Variants in TGDS observed in about 807,000 individuals in gnomAD.
The protein encoded by TGDS is TDP-glucose 4,6-dehydratase.
Under a neutral mutation model 52.3 loss-of-function variants are expected in TGDS, and 47 were observed. That is an observed-to-expected ratio of 0.90 (90% CI 0.71 to 1.15). The LOEUF (loss-of-function observed/expected upper bound fraction) is 1.15, where lower values mean the gene tolerates loss of function less well. TGDS is among the 50% of genes most tolerant of loss of function. The pLI, the probability that TGDS is intolerant of heterozygous loss-of-function variation, is 0.00. For missense variants in TGDS, 375 were observed against 418.4 expected (o/e 0.90, Z 0.90); for synonymous variants, 115 against 136.9 (o/e 0.84, Z 1.12).
intron 4 of TGDS, among the ~76,000 whole-genome samples, chr13:94,586,789 C>T (rs1436407315): frequency 3.3e-5 from 4 of 121,084 alleles, no homozygotes; most frequent in Admixed American, 2.1e-4. Context: ...GACAAGGTCT[C>T]ATTCTATTGC....
chr13:94,579,808 T>G (rs1888722580), intron 7 of TGDS, 86 bp downstream of exon 7: 2 of 743,488 alleles, frequency 2.7e-6, no homozygotes, highest in Non-Finnish European at 4.5e-6. Flanking sequence ...CATATTATTT[T>G]AGACAAATAA....
chr13:94,578,979 G>A (rs576760500), intron 7 of TGDS, among the ~76,000 whole-genome samples: 1 of 152,270 alleles, frequency 6.6e-6, no homozygotes, highest in African/African-American at 2.4e-5. Flanking sequence ...GTTACTTGAA[G>A]ATAAAATGAT....
intron 4 of TGDS, among the ~76,000 whole-genome samples, chr13:94,588,908 T>A (rs1889096189): frequency 6.6e-6 from 1 of 152,178 alleles, no homozygotes; most frequent in South Asian, 2.1e-4. Flanking sequence ...AACTTTTCAA[T>A]AAATGGTACA....
At chr13:94,584,537 A>T (rs1475719333) in intron 4 of TGDS, among the ~76,000 whole-genome samples, 2 of 152,244 alleles carry the variant, frequency 1.3e-5, no homozygotes, top group Non-Finnish European at 2.9e-5. Context: ...TCTTAAGTAA[A>T]TAGGCAAATA....
intron 4 of TGDS, among the ~76,000 whole-genome samples, chr13:94,586,583 T>C (rs948172321): frequency 2.6e-5 from 4 of 152,084 alleles, no homozygotes; most frequent in Non-Finnish European, 5.9e-5. Flanking sequence ...AGTGACCATA[T>C]ACTGAACCAA....
At chr13:94,584,851 GAA>G (rs1208580578) in intron 4 of TGDS, among the ~76,000 whole-genome samples, 1 of 151,904 alleles carries the variant, frequency 6.6e-6, no homozygotes, top group Non-Finnish European at 1.5e-5. Context: ...ACATAAATAA[GAA>G]AAATAACTGC....
chr13:94,582,349 T>C (rs1399074713), intron 5 of TGDS, among the ~76,000 whole-genome samples: 1 of 152,224 alleles, frequency 6.6e-6, no homozygotes, highest in African/African-American at 2.4e-5. Flanking sequence ...ACATTCACCA[T>C]ATTTGTAAGA....
intron 9 of TGDS, 32 bp downstream of exon 9, chr13:94,577,973 G>C: frequency 6.3e-7 from 1 of 1,593,090 alleles, no homozygotes. Flanking sequence ...TAACAATTTT[G>C]AAAATACCAA....
intron 4 of TGDS, among the ~76,000 whole-genome samples, chr13:94,590,155 C>T (rs1889147127): frequency 6.8e-6 from 1 of 147,850 alleles, no homozygotes; most frequent in South Asian, 2.1e-4. Context: ...ACAAAAAAAA[C>T]TCTACATATC....
At chr13:94,584,281 G>A (rs1305033690) in intron 4 of TGDS, among the ~76,000 whole-genome samples, 1 of 152,158 alleles carries the variant, frequency 6.6e-6, no homozygotes, top group Non-Finnish European at 1.5e-5. Context: ...GGCTCTTAAG[G>A]AGGTGATTAA....
rs1373975581 is a variant in TGDS at position 94,579,891 on chromosome 13, T to C, written c.615+3A>G. The stretch of plus-strand genomic sequence containing the variant: ...ACACCATGAATTAAGAAGTAAAATT[T>C]ACCTTTTCTGGATATTGATGTGGTC... On this transcript the variant is annotated splice_donor_region_variant and intron_variant, in intron 7 of 11. Coordinates refer to ENST00000261296, the MANE Select transcript of TGDS (RefSeq NM_014305.4). 5 of 1,570,606 alleles carry C rather than the reference T, an allele frequency of 3.2e-6. No homozygotes were observed. In the East Asian group the frequency reaches 1.1e-4, roughly 35 times the overall value.
At chr13:94,578,897 C>A in intron 7 of TGDS, 124 bp from the exon 8 acceptor site, 1 of 541,702 alleles carries the variant, frequency 1.8e-6, no homozygotes, top group Non-Finnish European at 3.1e-6. Flanking sequence ...TTATTTTTAT[C>A]AGTTTATTAA....
At chr13:94,581,380 G>T (rs1888785294) in intron 5 of TGDS, among the ~76,000 whole-genome samples, 191 bp from the exon 6 acceptor site, 1 of 152,198 alleles carries the variant, frequency 6.6e-6, no homozygotes, top group Non-Finnish European at 1.5e-5. Flanking sequence ...ATAGCAGAGA[G>T]AGAGAACAGC....
intron 4 of TGDS, among the ~76,000 whole-genome samples, chr13:94,586,814 A>G (rs9524547): frequency 0.68 from 99,037 of 146,584 alleles, 33,424 homozygotes; most frequent in African/African-American, 0.74. Flanking sequence ...GCTGGAGTGC[A>G]GGGGTGCGAT....
At position 94,577,386 on chromosome 13, in the gene TGDS, TC is replaced by T; in HGVS notation, c.868del (p.Asp290IlefsTer11). 1 of 1,575,592 alleles carries T rather than the reference TC, an allele frequency of 6.3e-7. No individual in the cohort carries two copies. Among genetic ancestry groups the T allele is most frequent in the Non-Finnish European group, 8.6e-7 (1 of 1,165,268 alleles). Reference sequence around the variant, plus strand: ...TGTTACTCACCTATCATTAACATAATCAACCCAATTTTCCATTTCAGACTCT... The same window carrying T: ...TGTTACTCACCTATCATTAACATAATAACCCAATTTTCCATTTCAGACTCT... The part of the protein sequence containing the change: ...NSESEMENWV[D>X]YVNDRPTNDM... On this transcript the variant is annotated frameshift_variant, in exon 10 of 12. Coordinates refer to ENST00000261296, the MANE Select transcript of TGDS (RefSeq NM_014305.4). LOFTEE classifies it high-confidence loss of function.
At chr13:94,593,294 TC>T (rs1425105346) in intron 2 of TGDS, among the ~76,000 whole-genome samples, 1 of 152,200 alleles carries the variant, frequency 6.6e-6, no homozygotes, top group Non-Finnish European at 1.5e-5. Context: ...TTATACCTAT[TC>T]CTCAAACTGT....
At chr13:94,575,085 T>C (rs913128006) in intron 11 of TGDS, among the ~76,000 whole-genome samples, 4 of 152,064 alleles carry the variant, frequency 2.6e-5, no homozygotes, top group African/African-American at 9.7e-5. Flanking sequence ...ATTTTTTTCT[T>C]CTTAACTTCT....
rs1175026812 is a variant in TGDS, at chr13:94,579,889, T to G, written c.615+5A>C. The G allele has an allele frequency of 6.4e-7, 1 of 1,565,772 alleles. No homozygotes were observed. ...AAACACCATGAATTAAGAAGTAAAA[T>G]TTACCTTTTCTGGATATTGATGTGG... On this transcript the variant is annotated splice_donor_5th_base_variant and intron_variant, in intron 7 of 11. Coordinates refer to ENST00000261296, the MANE Select transcript of TGDS (RefSeq NM_014305.4).
At chr13:94,594,763 G>A (rs184867909) in intron 1 of TGDS, among the ~76,000 whole-genome samples, 110 of 152,196 alleles carry the variant, frequency 7.2e-4, no homozygotes, top group African/African-American at 2.6e-3. Context: ...TCCCCCAAAT[G>A]ACTTGTCGGA....
Sources: gnomAD v4.1 joint callset for allele counts (sites outside exome capture counted in the v4.1 genomes callset) on GRCh38, gnomAD v4.1.1 for gene constraint, MANE v1.5 for transcripts, NCBI Gene and HGNC (gene_info 2026-07-23, HGNC 2026-07-21) for gene names.